UNC5D: variants seen among roughly 807,000 people sequenced by gnomAD.
The protein encoded by UNC5D is netrin receptor UNC5D.
A neutral mutation model predicts 105.4 loss-of-function variants in UNC5D; 39 were observed. The ratio of observed to expected loss-of-function variants is 0.37; its 90% CI spans 0.29 to 0.48. The LOEUF is 0.48. Ranked by LOEUF, UNC5D falls within the 20% of genes least tolerant of loss-of-function variation. UNC5D has a pLI of 0.98. For synonymous variants in UNC5D, 452 were observed against 450.4 expected, an observed-to-expected ratio of 1.00 and a Z score of -0.04; for missense variants, 991 against 1,202.4, an observed-to-expected ratio of 0.82 and a Z score of 2.60.
At chr8:35,289,741 G>A (rs1176342858) in intron 1 of UNC5D, among the ~76,000 whole-genome samples, 1 of 152,156 alleles carries the variant, frequency 6.6e-6, no homozygotes, top group Admixed American at 6.5e-5. Flanking sequence ...TACTTGAACA[G>A]TCATTTTTGA....
chr8:35,705,556 A>C (rs184080044), intron 7 of UNC5D, among the ~76,000 whole-genome samples: 1 of 152,162 alleles, frequency 6.6e-6, no homozygotes, highest in Non-Finnish European at 1.5e-5. Flanking sequence ...TTTTTCTATC[A>C]TCTAGAGTGA....
intron 1 of UNC5D, among the ~76,000 whole-genome samples, chr8:35,271,718 C>CATGTATACATATAT (rs1805395096): frequency 4.4e-5 from 2 of 45,510 alleles, no homozygotes; most frequent in African/African-American, 1.9e-4. Context: ...TATATTTATA[C>CATGTATACATATAT]ATGTATACAT....
intron 1 of UNC5D, among the ~76,000 whole-genome samples, chr8:35,292,877 C>A (rs189119256): frequency 3.4e-4 from 51 of 151,850 alleles, no homozygotes; most frequent in South Asian, 8.3e-4. Context: ...CCACCACATG[C>A]GGCTAATTTT....
chr8:35,598,721 A>G (rs555698161), intron 4 of UNC5D, among the ~76,000 whole-genome samples: 71 of 152,344 alleles, frequency 4.7e-4, no homozygotes, highest in African/African-American at 1.6e-3. Context: ...AATACTATTC[A>G]GCCTTTAAGA....
At chr8:35,582,443 A>G (rs888738684) in intron 3 of UNC5D, among the ~76,000 whole-genome samples, 10 of 152,196 alleles carry the variant, frequency 6.6e-5, no homozygotes, top group Non-Finnish European at 1.2e-4. Context: ...GTGGTTCCTT[A>G]GATCTTCCTG....
chr8:35,502,919 T>C (rs963065903), intron 1 of UNC5D, among the ~76,000 whole-genome samples: 2 of 152,126 alleles, frequency 1.3e-5, no homozygotes, highest in Admixed American at 1.3e-4. Flanking sequence ...TTATTTTCAT[T>C]TTTCTTAATA....
chr8:35,452,183 C>T (rs140219012), intron 1 of UNC5D, among the ~76,000 whole-genome samples: 126 of 152,212 alleles, frequency 8.3e-4, no homozygotes, highest in African/African-American at 2.6e-3. Flanking sequence ...GTGAACCATA[C>T]GATTTATTAA....
intron 13 of UNC5D, among the ~76,000 whole-genome samples, chr8:35,757,280 A>G (rs1050179409): frequency 6.6e-6 from 1 of 152,166 alleles, no homozygotes; most frequent in African/African-American, 2.4e-5. Flanking sequence ...AGTCCTTAGC[A>G]TAGCAAGCAA....
At chr8:35,340,047 C>A (rs1222225195) in intron 1 of UNC5D, among the ~76,000 whole-genome samples, 1 of 152,144 alleles carries the variant, frequency 6.6e-6, no homozygotes, top group Non-Finnish European at 1.5e-5. Context: ...TGCATATTAT[C>A]TCACTGCTCT....
intron 1 of UNC5D, among the ~76,000 whole-genome samples, chr8:35,280,283 A>G (rs551214926): frequency 6.6e-6 from 1 of 152,224 alleles, no homozygotes; most frequent in East Asian, 1.9e-4. Context: ...GGCATGTGCT[A>G]CCTTTTCTTT....
chr8:35,470,811 T>A (rs977305184), intron 1 of UNC5D, among the ~76,000 whole-genome samples: 1 of 136,402 alleles, frequency 7.3e-6, no homozygotes, highest in Non-Finnish European at 1.6e-5. Context: ...AATAAATAAA[T>A]AAAATAAAAA....
chr8:35,333,576 T>G (rs2128895463), intron 1 of UNC5D, among the ~76,000 whole-genome samples: 1 of 152,146 alleles, frequency 6.6e-6, no homozygotes, highest in East Asian at 1.9e-4. Context: ...GCCTCCTGGG[T>G]TCAAGTGATT....
Position 35,791,897 on chromosome 8 carries a change from C to T in UNC5D, c.*1334C>T, listed in dbSNP as rs964640416. ...AAATCCACAGATAATTCATGACCCTCATCTTATCACTTTACTCCATCTTTT... is the reference window on the plus strand; with the variant it reads ...AAATCCACAGATAATTCATGACCCTTATCTTATCACTTTACTCCATCTTTT... On this transcript the variant is annotated 3_prime_UTR_variant, in exon 17 of 17. Coordinates refer to ENST00000404895, the MANE Select transcript of UNC5D (RefSeq NM_080872.4). 2 of 152,098 alleles carry T rather than the reference C, an allele frequency of 1.3e-5. No individual in the cohort carries two copies. The highest frequency in any genetic ancestry group is 4.8e-5 in the African/African-American group (2 of 41,416). The allele number at this position is 152,098 out of a possible 1,614,324, so 9.4% of individuals were successfully genotyped here.
intron 1 of UNC5D, among the ~76,000 whole-genome samples, chr8:35,239,983 A>G (rs1319103147): frequency 6.7e-6 from 1 of 149,892 alleles, no homozygotes; most frequent in Non-Finnish European, 1.5e-5. Context: ...TCATCCAGGC[A>G]GGAGTGCAGT....
At chr8:35,728,095 A>ATATAT (rs1554596594) in intron 10 of UNC5D, among the ~76,000 whole-genome samples, 50 of 110,322 alleles carry the variant, frequency 4.5e-4, no homozygotes, top group African/African-American at 2.6e-3. Context: ...AAAAAAAAAA[A>ATATAT]ATATATATAT....
At chr8:35,508,667 G>A (rs1344915477) in intron 1 of UNC5D, among the ~76,000 whole-genome samples, 1 of 152,214 alleles carries the variant, frequency 6.6e-6, no homozygotes, top group African/African-American at 2.4e-5. Flanking sequence ...AAGTGGCAGA[G>A]TGGCAGAAAA....
chr8:35,466,276 C>A (rs191852590), intron 1 of UNC5D, among the ~76,000 whole-genome samples: 1 of 152,146 alleles, frequency 6.6e-6, no homozygotes, highest in African/African-American at 2.4e-5. Context: ...CAAGACTTCC[C>A]AGATTCTTAC....
chr8:35,608,427 C>A (rs1029846996), intron 4 of UNC5D, among the ~76,000 whole-genome samples: 1 of 152,150 alleles, frequency 6.6e-6, no homozygotes, highest in Non-Finnish European at 1.5e-5. Context: ...TTTTAAAAAT[C>A]TGATCTGTAT....
At chr8:35,675,835 A>G (rs960060515) in intron 4 of UNC5D, among the ~76,000 whole-genome samples, 4 of 152,006 alleles carry the variant, frequency 2.6e-5, no homozygotes, top group Non-Finnish European at 5.9e-5. Flanking sequence ...GAACATTAAG[A>G]ACAAGAACAG....
Sources: allele counts gnomAD v4.1 joint callset (sites outside exome capture counted in the v4.1 genomes callset), GRCh38; gene constraint gnomAD v4.1.1; transcripts MANE v1.5; gene names NCBI Gene and HGNC (gene_info 2026-07-23, HGNC 2026-07-21).